The following C8orf34 variants were observed in gnomAD, a reference collection of about 807,000 sequenced individuals.
C8orf34 encodes chromosome 8 open reading frame 34, also known as uncharacterized protein C8orf34.
C8orf34 carries 65 observed loss-of-function variants against 68.3 expected under a neutral mutation model. The observed-to-expected ratio is 0.95, with a 90% confidence interval of 0.78 to 1.17. The LOEUF is 1.17. Among genes scored for constraint, C8orf34 ranks in the 50% most tolerant of loss-of-function variants. C8orf34 has a pLI of 0.00. For missense variants in C8orf34, 664 were observed against 655.4 expected (o/e 1.01, Z -0.14); for synonymous variants, 244 against 241.2 (o/e 1.01, Z -0.11).
chr8:68,610,703 A>G (rs1462870070), intron 7 of C8orf34, among the ~76,000 whole-genome samples: 1 of 152,098 alleles, frequency 6.6e-6, no homozygotes, highest in Non-Finnish European at 1.5e-5. Flanking sequence ...GGAACACCTG[A>G]AAACTATAAA....
chr8:68,570,590 T>G (rs16934715), intron 7 of C8orf34, among the ~76,000 whole-genome samples: 38,545 of 152,086 alleles, frequency 0.25, 7,309 homozygotes, highest in African/African-American at 0.54. Context: ...CCTAGTATCG[T>G]TGGCACAAAT....
At chr8:68,757,487 G>T (rs113929248) in intron 10 of C8orf34, among the ~76,000 whole-genome samples, 10,794 of 152,064 alleles carry the variant, frequency 0.071, 889 homozygotes, top group East Asian at 0.46. Flanking sequence ...AAAATTAGCC[G>T]GGTATGATGG....
intron 6 of C8orf34, chr8:68,525,698 T>G: frequency 1.5e-6 from 1 of 659,176 alleles, no homozygotes; most frequent in Non-Finnish European, 2.8e-6. Flanking sequence ...CACTCCATAT[T>G]TGTTTAGCCT....
intron 5 of C8orf34, among the ~76,000 whole-genome samples, chr8:68,519,090 GAC>G (rs1175247985): frequency 6.6e-6 from 1 of 152,122 alleles, no homozygotes; most frequent in Non-Finnish European, 1.5e-5. Flanking sequence ...AGAATTAAAA[GAC>G]ACAGATCTAA....
At chr8:68,771,304 G>A (rs1823328463) in intron 10 of C8orf34, among the ~76,000 whole-genome samples, 1 of 152,154 alleles carries the variant, frequency 6.6e-6, no homozygotes, top group African/African-American at 2.4e-5. Context: ...AGGTTGTCGA[G>A]TTCAGAAAGC....
At chr8:68,384,920 C>A (rs764961202) in intron 1 of C8orf34, among the ~76,000 whole-genome samples, 1 of 152,106 alleles carries the variant, frequency 6.6e-6, no homozygotes, top group African/African-American at 2.4e-5. Flanking sequence ...GATAGATTTT[C>A]TATCAAAGAG....
chr8:68,651,838 G>T (rs907247117), intron 8 of C8orf34, among the ~76,000 whole-genome samples: 1 of 152,040 alleles, frequency 6.6e-6, no homozygotes, highest in East Asian at 1.9e-4. Flanking sequence ...ACTAGAAGCC[G>T]AAACCCCTCT....
intron 8 of C8orf34, among the ~76,000 whole-genome samples, chr8:68,689,259 G>A (rs1194101166): frequency 6.6e-6 from 1 of 151,912 alleles, no homozygotes; most frequent in African/African-American, 2.4e-5. Flanking sequence ...GAGTGTTGGG[G>A]AACAATGCAG....
intron 10 of C8orf34, among the ~76,000 whole-genome samples, chr8:68,727,226 CA>C (rs1192264761): frequency 2.0e-5 from 3 of 152,172 alleles, no homozygotes; most frequent in Admixed American, 6.5e-5. Flanking sequence ...CATGCAAGTC[CA>C]AAATCCAGCG....
chr8:68,385,217 C>G (rs918286389), intron 1 of C8orf34, among the ~76,000 whole-genome samples: 6 of 152,052 alleles, frequency 3.9e-5, no homozygotes, highest in African/African-American at 1.4e-4. Context: ...TTTTGTCAGC[C>G]TCATTTTAGT....
At chr8:68,611,479 T>C (rs890716201) in intron 7 of C8orf34, among the ~76,000 whole-genome samples, 4 of 152,184 alleles carry the variant, frequency 2.6e-5, no homozygotes, top group African/African-American at 9.6e-5. Context: ...TAAATACTTT[T>C]ATACCTTTAG....
chr8:68,460,913 C>T (rs1205826671), intron 3 of C8orf34, among the ~76,000 whole-genome samples: 1 of 152,208 alleles, frequency 6.6e-6, no homozygotes, highest in Admixed American at 6.5e-5. Flanking sequence ...AACGCAGTTC[C>T]TCACCAGCAA....
chr8:68,764,096 A>G (rs887026223), intron 10 of C8orf34, among the ~76,000 whole-genome samples: 1 of 152,212 alleles, frequency 6.6e-6, no homozygotes, highest in African/African-American at 2.4e-5. Context: ...TTTTGGGGAT[A>G]TGTGGACGAG....
intron 1 of C8orf34, among the ~76,000 whole-genome samples, chr8:68,393,636 G>A (rs1027350285): frequency 6.6e-6 from 1 of 152,076 alleles, no homozygotes; most frequent in Non-Finnish European, 1.5e-5. Flanking sequence ...TTTACTAAAG[G>A]AAACATAGAA....
At chr8:68,345,592 T>G (rs1806246325) in intron 1 of C8orf34, among the ~76,000 whole-genome samples, 1 of 151,908 alleles carries the variant, frequency 6.6e-6, no homozygotes, top group African/African-American at 2.4e-5. Context: ...AAATTTAAAA[T>G]ATTCCTTTCA....
chr8:68,624,181 A>C (rs561424120), intron 7 of C8orf34, among the ~76,000 whole-genome samples: 1 of 151,536 alleles, frequency 6.6e-6, no homozygotes, highest in South Asian at 2.1e-4. Flanking sequence ...CTGAGGTAGG[A>C]GAATCACTTG....
Position 68,640,379 on chromosome 8 carries a change from A to G in C8orf34, c.1109A>G (p.Asp370Gly). ...GTAATTGTTTGTGTTGTTACAGAGG[A>G]TCTTAATGATTTAAGAATGGAGGGA... ...NEDDAMELLE[D>G]LNDLRMEGVT... The change falls in exon 8 of 14, where the codon GAT becomes GGT. Residue 370 changes from aspartate to glycine, a missense_variant. Physicochemically the swap from Asp to Gly is moderately conservative, Grantham distance 94. Coordinates refer to ENST00000518698, the MANE Select transcript of C8orf34 (RefSeq NM_052958.4). 6.2e-7 allele frequency: 1 copy of G among 1,613,038 alleles called. No individual in the cohort carries two copies. Among genetic ancestry groups the G allele is most frequent in the Non-Finnish European group, 8.5e-7 (1 of 1,179,418 alleles).
chr8:68,691,047 C>A (rs1820671752), intron 8 of C8orf34, among the ~76,000 whole-genome samples: 1 of 152,028 alleles, frequency 6.6e-6, no homozygotes, highest in East Asian at 1.9e-4. Flanking sequence ...TTTGCACCTG[C>A]TGGTTTCTTT....
At chr8:68,595,793 C>T (rs999483472) in intron 7 of C8orf34, among the ~76,000 whole-genome samples, 1 of 151,996 alleles carries the variant, frequency 6.6e-6, no homozygotes, top group Non-Finnish European at 1.5e-5. Flanking sequence ...TCATTCCTCC[C>T]TGCTATGTTC....
Sources: allele counts gnomAD v4.1 joint callset (sites outside exome capture counted in the v4.1 genomes callset), GRCh38; gene constraint gnomAD v4.1.1; transcripts MANE v1.5; gene names NCBI Gene and HGNC (gene_info 2026-07-23, HGNC 2026-07-21).